The following NKAIN2 variants were observed in gnomAD, a reference collection of about 807,000 sequenced individuals.
The protein encoded by NKAIN2 is sodium/potassium-transporting ATPase subunit beta-1-interacting protein 2.
NKAIN2 carries 14 observed loss-of-function variants against 32.6 expected under a neutral mutation model. The ratio of observed to expected loss-of-function variants is 0.43; its 90% CI spans 0.28 to 0.67. The LOEUF is 0.67. Ranked by LOEUF, NKAIN2 falls within the 30% of genes least tolerant of loss-of-function variation. NKAIN2 has a pLI of 0.17. For synonymous variants in NKAIN2, 80 were observed against 87.2 expected (o/e 0.92, Z 0.46); for missense variants, 198 against 258.3 (o/e 0.77, Z 1.60).
chr6:123,917,180 AAG>A (rs1275530580), intron 1 of NKAIN2, among the ~76,000 whole-genome samples: 1 of 152,164 alleles, frequency 6.6e-6, no homozygotes. Flanking sequence ...AAAGTTTTTA[AAG>A]AGACAACCAC....
chr6:123,981,776 A>C (rs1778909464), intron 1 of NKAIN2, among the ~76,000 whole-genome samples: 1 of 152,192 alleles, frequency 6.6e-6, no homozygotes, highest in South Asian at 2.1e-4. Context: ...GGTTAAGTGC[A>C]AAACACCATG....
chr6:124,349,330 C>A (rs1245815603), intron 2 of NKAIN2, among the ~76,000 whole-genome samples: 2 of 152,106 alleles, frequency 1.3e-5, no homozygotes, highest in Non-Finnish European at 2.9e-5. Context: ...AGGCTCCACC[C>A]CATTCTCCCA....
intron 3 of NKAIN2, chr6:124,490,395 C>T (rs150730722): frequency 1.7e-5 from 7 of 418,006 alleles, no homozygotes; most frequent in East Asian, 7.2e-5. Context: ...GGAAACAGAC[C>T]GTATAGAATC....
intron 1 of NKAIN2, among the ~76,000 whole-genome samples, chr6:124,040,433 A>C (rs1013650020): frequency 6.6e-6 from 1 of 151,972 alleles, no homozygotes; most frequent in African/African-American, 2.4e-5. Context: ...TTTTCTTCTG[A>C]ATACTGCTTT....
chr6:123,930,612 A>G (rs761030758), intron 1 of NKAIN2, among the ~76,000 whole-genome samples: 13 of 152,220 alleles, frequency 8.5e-5, no homozygotes, highest in Admixed American at 1.3e-4. Flanking sequence ...TGTACAAGTT[A>G]TATATTAGAT....
chr6:124,204,305 A>G (rs2114635853), intron 1 of NKAIN2, among the ~76,000 whole-genome samples: 1 of 152,004 alleles, frequency 6.6e-6, no homozygotes, highest in Middle Eastern at 3.4e-3. Context: ...GGAATAAATT[A>G]GACAAAGATG....
chr6:124,614,386 T>A (rs1782804726), intron 3 of NKAIN2, among the ~76,000 whole-genome samples: 1 of 152,164 alleles, frequency 6.6e-6, no homozygotes, highest in South Asian at 2.1e-4. Flanking sequence ...AGAGCGAGAC[T>A]CTGTCTCGAA....
At chr6:124,258,236 A>G (rs1218308739) in intron 1 of NKAIN2, among the ~76,000 whole-genome samples, 2 of 152,046 alleles carry the variant, frequency 1.3e-5, no homozygotes, top group Non-Finnish European at 2.9e-5. Flanking sequence ...GAATCCAGGC[A>G]GCATGGTTCC....
chr6:124,673,848 TTTA>T (rs1452416510), intron 4 of NKAIN2, among the ~76,000 whole-genome samples: 1 of 151,990 alleles, frequency 6.6e-6, no homozygotes, highest in African/African-American at 2.4e-5. Context: ...TTTCAGTCTG[TTTA>T]TTATTTCCTT....
chr6:124,180,755 G>C (rs1415711233), intron 1 of NKAIN2, among the ~76,000 whole-genome samples: 1 of 152,178 alleles, frequency 6.6e-6, no homozygotes, highest in Non-Finnish European at 1.5e-5. Context: ...GGCTCCCATG[G>C]CCTTTGAAAG....
In NKAIN2 at chr6:124,793,685, A is replaced by T. The variant is rs1460350855; in HGVS notation, c.535+2286A>T. Among the ~76,000 whole-genome samples the T allele has an allele frequency of 3.3e-5, 5 of 152,172 alleles. No individual in the cohort carries two copies. In the East Asian group the frequency reaches 7.7e-4, roughly 24 times the overall value. ...TTCCACAAGACATACTGCTCAAAAA[A>T]AAAAAAAAAAAGATTCCAAAGCCAA... On this transcript the variant is annotated intron_variant, in intron 5 of 6. Coordinates refer to ENST00000368417, the MANE Select transcript of NKAIN2 (RefSeq NM_001040214.3).
intron 1 of NKAIN2, among the ~76,000 whole-genome samples, chr6:124,080,774 A>G (rs1056273036): frequency 3.3e-5 from 5 of 152,118 alleles, no homozygotes; most frequent in Admixed American, 6.6e-5. Context: ...GGCCTTTTAT[A>G]TCCTCTTCCT....
At chr6:124,768,938 T>C (rs1175910262) in intron 4 of NKAIN2, among the ~76,000 whole-genome samples, 1 of 152,180 alleles carries the variant, frequency 6.6e-6, no homozygotes, top group Non-Finnish European at 1.5e-5. Flanking sequence ...CCACAATCAT[T>C]GGAATTCATT....
chr6:123,845,662 T>G (rs1327366273), intron 1 of NKAIN2, among the ~76,000 whole-genome samples: 1 of 152,234 alleles, frequency 6.6e-6, no homozygotes, highest in Non-Finnish European at 1.5e-5. Flanking sequence ...GGCTGACTTT[T>G]ATATATGTGG....
At chr6:124,734,155 A>G (rs1390064845) in intron 4 of NKAIN2, among the ~76,000 whole-genome samples, 1 of 151,646 alleles carries the variant, frequency 6.6e-6, no homozygotes, top group Admixed American at 6.6e-5. Flanking sequence ...AAAGAGTCTT[A>G]TTGGCCAAAG....
chr6:124,484,221 C>G (rs1445760853), intron 3 of NKAIN2, among the ~76,000 whole-genome samples: 1 of 152,198 alleles, frequency 6.6e-6, no homozygotes, highest in African/African-American at 2.4e-5. Flanking sequence ...TAAAATATTT[C>G]CATTTCAGGA....
intron 3 of NKAIN2, among the ~76,000 whole-genome samples, chr6:124,400,318 A>G (rs1350290972): frequency 1.3e-5 from 2 of 152,164 alleles, no homozygotes; most frequent in Non-Finnish European, 2.9e-5. Flanking sequence ...ACTGAGAGAG[A>G]TAAGTGTCAG....
intron 1 of NKAIN2, among the ~76,000 whole-genome samples, chr6:123,946,111 G>A (rs1777050455): frequency 6.6e-6 from 1 of 152,092 alleles, no homozygotes; most frequent in South Asian, 2.1e-4. Context: ...TAAAAAGGGA[G>A]GGTTATCAGC....
intron 3 of NKAIN2, among the ~76,000 whole-genome samples, chr6:124,356,604 T>C (rs905476734): frequency 2.0e-5 from 3 of 152,144 alleles, no homozygotes; most frequent in Admixed American, 2.0e-4. Flanking sequence ...CCCCACACTC[T>C]GGTTAGCAGG....
Sources: gnomAD v4.1 joint callset for allele counts (sites outside exome capture counted in the v4.1 genomes callset) on GRCh38, gnomAD v4.1.1 for gene constraint, MANE v1.5 for transcripts, NCBI Gene and HGNC (gene_info 2026-07-23, HGNC 2026-07-21) for gene names.